MAP3K5: variants seen among roughly 807,000 people sequenced by gnomAD.
The protein encoded by MAP3K5 is ASK-1.
In MAP3K5, 56 loss-of-function variants were observed where a neutral mutation model predicts 158.7. The ratio of observed to expected loss-of-function variants is 0.35; its 90% CI spans 0.28 to 0.44. The LOEUF is 0.44. Ranked by LOEUF, MAP3K5 falls within the 20% of genes least tolerant of loss-of-function variation. The pLI, the probability that MAP3K5 is intolerant of heterozygous loss-of-function variation, is 1.00. For synonymous variants in MAP3K5, 579 were observed against 601.7 expected, an observed-to-expected ratio of 0.96 and a Z score of 0.55; for missense variants, 1,294 against 1,674.8, an observed-to-expected ratio of 0.77 and a Z score of 3.97.
At chr6:136,765,679 A>ATTTTTTTTTTTTT (rs780589836) in intron 1 of MAP3K5, among the ~76,000 whole-genome samples, 4 of 120,018 alleles carry the variant, frequency 3.3e-5, no homozygotes, top group African/African-American at 3.2e-5. Context: ...TGCCTGGCTA[A>ATTTTTTTTTTTTT]TTTTTTTTTT....
chr6:136,740,259 G>T (rs975493804), intron 1 of MAP3K5, among the ~76,000 whole-genome samples: 2 of 152,198 alleles, frequency 1.3e-5, no homozygotes, highest in Admixed American at 1.3e-4. Context: ...CGGGGCTGGG[G>T]ACGGGGGAGG....
chr6:136,728,665 T>C (rs368481847), intron 1 of MAP3K5, among the ~76,000 whole-genome samples: 9 of 152,248 alleles, frequency 5.9e-5, no homozygotes, highest in African/African-American at 2.2e-4. Context: ...CACTAAACTC[T>C]AATAAATGTA....
At chr6:136,717,172 A>G (rs1781566563) in intron 2 of MAP3K5, among the ~76,000 whole-genome samples, 1 of 152,172 alleles carries the variant, frequency 6.6e-6, no homozygotes, top group South Asian at 2.1e-4. Flanking sequence ...AAAAAATACT[A>G]AAATTTTTCA....
Position 136,668,496 on chromosome 6 carries a change from T to C in MAP3K5, c.1366+787A>G, listed in dbSNP as rs572227978. Among the ~76,000 whole-genome samples, 3 of 152,296 alleles carry C rather than the reference T, an allele frequency of 2.0e-5. No homozygotes were observed. In the South Asian group the frequency reaches 6.2e-4, roughly 32 times the overall value. On this transcript the variant is annotated intron_variant, in intron 8 of 29. Transcript: ENST00000359015. ...AAAAACAAGGCTGAATATTTCTATG[T>C]CTGTAGTAATTCCTAAAAGAGTTGG...
chr6:136,648,912 A>G (rs1583342287), intron 11 of MAP3K5, among the ~76,000 whole-genome samples: 1 of 152,194 alleles, frequency 6.6e-6, no homozygotes, highest in African/African-American at 2.4e-5. Flanking sequence ...CTGAAAGTCT[A>G]CCTCATAGAA....
At position 136,605,284 on chromosome 6, in the gene MAP3K5, G is replaced by T. The variant is rs567749720; in HGVS notation, c.2604C>A (p.Gly868=). 3.1e-6 allele frequency: 5 copies of T among 1,614,016 alleles called. No individual in the cohort carries two copies. Among genetic ancestry groups the T allele is most frequent in the Non-Finnish European group, 4.2e-6 (5 of 1,179,898 alleles). The change falls in exon 19 of 30, where the codon GGC becomes GGA. Residue 868 remains glycine, a synonymous_variant. Transcript: ENST00000359015. The stretch of plus-strand genomic sequence containing the variant: ...CTGTGGCCATTTCAATGATTGTACA[G>T]CCCAGAGACCAGATGTCTGCTGCTT... The part of the protein sequence containing the change: ...YGKAADIWSL[G]CTIIEMATGK...
At chr6:136,685,735 AG>A (rs1780119600) in intron 7 of MAP3K5, among the ~76,000 whole-genome samples, 1 of 152,180 alleles carries the variant, frequency 6.6e-6, no homozygotes, top group African/African-American at 2.4e-5. Context: ...TCCTTATGCC[AG>A]CAACAGCATT....
chr6:136,771,644 G>T (rs548761452), intron 1 of MAP3K5, among the ~76,000 whole-genome samples: 1 of 152,146 alleles, frequency 6.6e-6, no homozygotes, highest in African/African-American at 2.4e-5. Context: ...CTGGGTAGGC[G>T]TGCTCTGAAG....
intron 1 of MAP3K5, among the ~76,000 whole-genome samples, chr6:136,757,903 G>C (rs1783577602): frequency 6.6e-6 from 1 of 151,996 alleles, no homozygotes; most frequent in Non-Finnish European, 1.5e-5. Flanking sequence ...AGATCTTAGA[G>C]GCTTCTTTTC....
chr6:136,761,819 T>C (rs748859873), intron 1 of MAP3K5, among the ~76,000 whole-genome samples: 2 of 152,034 alleles, frequency 1.3e-5, no homozygotes, highest in Non-Finnish European at 2.9e-5. Context: ...GATAATTTCA[T>C]AGTAACTACT....
intron 14 of MAP3K5, among the ~76,000 whole-genome samples, chr6:136,627,577 T>C (rs977822162): frequency 6.6e-6 from 1 of 152,052 alleles, no homozygotes; most frequent in African/African-American, 2.4e-5. Flanking sequence ...CTTTAGAAGG[T>C]GATTAGGTCA....
chr6:136,683,420 G>A (rs574588733), intron 7 of MAP3K5, among the ~76,000 whole-genome samples: 13 of 152,340 alleles, frequency 8.5e-5, no homozygotes, highest in East Asian at 7.7e-4. Flanking sequence ...TTGCAATCCC[G>A]AGTAGGGGCA....
intron 1 of MAP3K5, among the ~76,000 whole-genome samples, chr6:136,749,225 T>C (rs1783087424): frequency 6.6e-6 from 1 of 151,832 alleles, no homozygotes; most frequent in South Asian, 2.1e-4. Flanking sequence ...ATACACAAAT[T>C]AGCCGGGTAT....
chr6:136,640,034 CA>C (rs1234850287), intron 12 of MAP3K5, among the ~76,000 whole-genome samples: 13 of 152,172 alleles, frequency 8.5e-5, no homozygotes, highest in Non-Finnish European at 1.5e-5. Flanking sequence ...GAAATGTTTC[CA>C]AAGCTAGGCA....
At chr6:136,582,714 T>C (rs1240815323) in intron 24 of MAP3K5, among the ~76,000 whole-genome samples, 2 of 152,218 alleles carry the variant, frequency 1.3e-5, no homozygotes, top group East Asian at 3.8e-4. Flanking sequence ...AAAGAAGCAA[T>C]ACACACATTA....
At position 136,720,604 on chromosome 6, in the gene MAP3K5, C is replaced by T. The variant is rs747962351; in HGVS notation, c.449-15G>A. ...CACCGCAATATCTGCAAACAGAAAA[C>T]AAAGTCCCCCAAAGAATGACACCCA... On this transcript the variant is annotated splice_polypyrimidine_tract_variant and intron_variant, in intron 1 of 29. Transcript: ENST00000359015. 13 of 1,596,202 alleles carry T rather than the reference C, an allele frequency of 8.1e-6. No homozygotes were observed. In the South Asian group the frequency reaches 1.5e-4, roughly 18 times the overall value.
intron 25 of MAP3K5, among the ~76,000 whole-genome samples, chr6:136,575,164 T>A (rs998860102): frequency 1.0e-4 from 14 of 138,532 alleles, no homozygotes; most frequent in Admixed American, 4.2e-4. Flanking sequence ...CAATACTATT[T>A]TTTTTTTTTT....
chr6:136,790,325 C>G (rs1190409034), intron 1 of MAP3K5, among the ~76,000 whole-genome samples: 1 of 152,110 alleles, frequency 6.6e-6, no homozygotes, highest in Non-Finnish European at 1.5e-5. Context: ...AAAATAGGCT[C>G]AAGTGTTCAG....
At chr6:136,694,092 G>C in intron 7 of MAP3K5, 48 bp downstream of exon 7, 2 of 1,465,746 alleles carry the variant, frequency 1.4e-6, no homozygotes, top group South Asian at 2.6e-5. Context: ...ACTTTTTTAT[G>C]CCATGGATTT....
Sources: allele counts gnomAD v4.1 joint callset (sites outside exome capture counted in the v4.1 genomes callset), GRCh38; gene constraint gnomAD v4.1.1; transcripts MANE v1.5; gene names NCBI Gene and HGNC (gene_info 2026-07-23, HGNC 2026-07-21).